Variants in ITGA8 observed in about 807,000 individuals in gnomAD.
ITGA8 encodes integrin alpha-8.
In ITGA8, 91 loss-of-function variants were observed where a neutral mutation model predicts 142.3. The observed-to-expected ratio is 0.64, with a 90% CI of 0.54 to 0.76. The LOEUF (loss-of-function observed/expected upper bound fraction) is 0.76. Ranked by LOEUF, ITGA8 falls within the 30% of genes least tolerant of loss-of-function variation. The pLI is 0.00. For synonymous variants in ITGA8, 505 were observed against 485.2 expected (o/e 1.04, Z -0.54); for missense variants, 1,406 against 1,327.7 (o/e 1.06, Z -0.92).
At chr10:15,688,319 A>AAG in intron 2 of ITGA8, among the ~76,000 whole-genome samples, 1 of 151,342 alleles carries the variant, frequency 6.6e-6, no homozygotes, top group East Asian at 1.9e-4. Flanking sequence ...AAAAAAAAAA[A>AAG]AAAATGCTGG....
At chr10:15,571,197 A>G (rs988563753) in intron 25 of ITGA8, among the ~76,000 whole-genome samples, 1 of 152,166 alleles carries the variant, frequency 6.6e-6, no homozygotes, top group African/African-American at 2.4e-5. Context: ...TTCCCTTTGA[A>G]TAGGAGGCAT....
intron 13 of ITGA8, among the ~76,000 whole-genome samples, chr10:15,635,732 T>A (rs991646356): frequency 4.6e-5 from 7 of 152,198 alleles, no homozygotes; most frequent in African/African-American, 1.7e-4. Flanking sequence ...ATGCTTGGCT[T>A]TTCACACAAA....
chr10:15,713,731 A>G (rs1835401482), intron 2 of ITGA8, among the ~76,000 whole-genome samples: 1 of 152,128 alleles, frequency 6.6e-6, no homozygotes, highest in South Asian at 2.1e-4. Flanking sequence ...GGATCACTCA[A>G]CACAAAATAA....
chr10:15,657,510 ATTT>A (rs34510305), intron 10 of ITGA8, among the ~76,000 whole-genome samples: 8,987 of 132,380 alleles, frequency 0.068, 412 homozygotes, highest in Non-Finnish European at 0.094. Flanking sequence ...CTTTTCTTTC[ATTT>A]TTTTTTTTTT....
chr10:15,616,696 C>A (rs1189301641), intron 13 of ITGA8, 137 bp from the exon 14 acceptor site: 4 of 731,760 alleles, frequency 5.5e-6, no homozygotes, highest in African/African-American at 3.5e-5. Context: ...AGAAATCACA[C>A]CTTTCTTAAG....
At chr10:15,654,890 T>C (rs988768412) in intron 11 of ITGA8, among the ~76,000 whole-genome samples, 2 of 152,228 alleles carry the variant, frequency 1.3e-5, no homozygotes. Context: ...CCGTGCTGTT[T>C]GGTCCATGTT....
chr10:15,690,949 G>A (rs1283721507), intron 2 of ITGA8, among the ~76,000 whole-genome samples: 5 of 152,150 alleles, frequency 3.3e-5, no homozygotes, highest in South Asian at 2.1e-4. Context: ...CAAACTATAC[G>A]TACATAAGGG....
At chr10:15,670,845 G>A (rs192020650) in intron 8 of ITGA8, among the ~76,000 whole-genome samples, 17 of 152,152 alleles carry the variant, frequency 1.1e-4, no homozygotes, top group Non-Finnish European at 2.5e-4. Flanking sequence ...AGCCAATCTC[G>A]TTTCACTATC....
At position 15,684,137 on chromosome 10, in the gene ITGA8, A is replaced by G. The variant is rs1834793554; in HGVS notation, c.445-10T>C. On this transcript the variant is annotated splice_polypyrimidine_tract_variant and intron_variant, in intron 3 of 29. Transcript: ENST00000378076. ...ATAAAGGAGCACAGGCCTAGGAAACATCAAAGACAAAAAAATACATTTTTG... is the reference window on the plus strand; with the variant it reads ...ATAAAGGAGCACAGGCCTAGGAAACGTCAAAGACAAAAAAATACATTTTTG... The G allele has an allele frequency of 1.9e-6, 3 of 1,599,734 alleles. No homozygotes were observed. The African/African-American group carries it at 4.1e-5, about 22-fold the overall frequency.
chr10:15,543,949 T>C lies in ITGA8; in HGVS notation c.2880+4506A>G, dbSNP rs568910256. 2.1e-4 allele frequency among the ~76,000 whole-genome samples: 31 copies of C among 147,972 alleles called. No homozygotes were observed. The South Asian group carries it at 6.1e-3, about 29-fold the overall frequency. On this transcript the variant is annotated intron_variant, in intron 27 of 29. Transcript: ENST00000378076. ...AAGGTGATGGGAGATGGAAGGAGAG[T>C]AGAGTGATGGTCTACAAGCCACTGA...
rs1204641831 is a variant in ITGA8 at position 15,514,981 on chromosome 10, C to T, written c.*2177G>A. Reference sequence around the variant, plus strand: ...AACAGGGGTCTTTTTTTATGTAACCCTAAGAGTTCTCAGTTCCTTCACCAA... The same window carrying T: ...AACAGGGGTCTTTTTTTATGTAACCTTAAGAGTTCTCAGTTCCTTCACCAA... On this transcript the variant is annotated 3_prime_UTR_variant, in exon 30 of 30. Transcript: ENST00000378076. 1 of 152,086 alleles carries T rather than the reference C, an allele frequency of 6.6e-6. No individual in the cohort carries two copies. The highest frequency in any genetic ancestry group is 1.5e-5 in the Non-Finnish European group (1 of 68,032). The allele number at this position is 152,086 out of a possible 1,614,324, so 9.4% of individuals were successfully genotyped here. A position where few individuals can be genotyped will look rare whatever the true frequency, so the allele number is the denominator to read the frequency against.
intron 11 of ITGA8, among the ~76,000 whole-genome samples, chr10:15,653,831 C>CTTTTTTTTTTTT: frequency 7.7e-6 from 1 of 130,006 alleles, no homozygotes; most frequent in Non-Finnish European, 1.7e-5. Context: ...TTTCTTTTTT[C>CTTTTTTTTTTTT]TTTTTTTTTT....
intron 2 of ITGA8, among the ~76,000 whole-genome samples, chr10:15,711,031 C>G (rs924181322): frequency 6.6e-6 from 1 of 152,122 alleles, no homozygotes; most frequent in Non-Finnish European, 1.5e-5. Context: ...CCCTGCAGTG[C>G]CATTATACTA....
At chr10:15,664,027 C>T (rs982853522) in intron 8 of ITGA8, among the ~76,000 whole-genome samples, 3 of 152,182 alleles carry the variant, frequency 2.0e-5, no homozygotes, top group African/African-American at 7.2e-5. Flanking sequence ...GTTCTTGTAA[C>T]AGCCAACAGC....
intron 2 of ITGA8, among the ~76,000 whole-genome samples, chr10:15,710,036 G>A (rs1835334772): frequency 1.3e-5 from 2 of 151,924 alleles, no homozygotes. Context: ...CAGCACTTTA[G>A]TGAACTCAAT....
intron 9 of ITGA8, among the ~76,000 whole-genome samples, chr10:15,660,592 A>G (rs1834266270): frequency 6.6e-6 from 1 of 152,128 alleles, no homozygotes; most frequent in Non-Finnish European, 1.5e-5. Context: ...TTGAATTTTG[A>G]GTTTTGATCT....
intron 22 of ITGA8, among the ~76,000 whole-genome samples, chr10:15,586,926 C>CT (rs59409474): frequency 3.3e-3 from 469 of 144,154 alleles, no homozygotes; most frequent in South Asian, 0.019. Context: ...GAAACTAACA[C>CT]TTTTTTTTTT....
chr10:15,669,033 T>C (rs2131682015), intron 8 of ITGA8, among the ~76,000 whole-genome samples: 1 of 152,274 alleles, frequency 6.6e-6, no homozygotes, highest in Non-Finnish European at 1.5e-5. Flanking sequence ...CTTTGTGGTG[T>C]TCTCTGTATT....
intron 13 of ITGA8, among the ~76,000 whole-genome samples, chr10:15,621,060 C>T (rs901987319): frequency 6.6e-6 from 1 of 152,066 alleles, no homozygotes; most frequent in Non-Finnish European, 1.5e-5. Flanking sequence ...GATAACGGGT[C>T]TGATACCATT....
Sources: allele counts gnomAD v4.1 joint callset (sites outside exome capture counted in the v4.1 genomes callset), GRCh38; gene constraint gnomAD v4.1.1; transcripts MANE v1.5; gene names NCBI Gene and HGNC (gene_info 2026-07-23, HGNC 2026-07-21).